The following RASGEF1B variants were observed in gnomAD, a reference collection of about 807,000 sequenced individuals.
The protein encoded by RASGEF1B is RasGEF domain family member 1B, also known as ras-GEF domain-containing family member 1B.
A neutral mutation model predicts 65.7 loss-of-function variants in RASGEF1B; 30 were observed. The ratio of observed to expected loss-of-function variants is 0.46; its 90% CI spans 0.34 to 0.62. The LOEUF (loss-of-function observed/expected upper bound fraction) is 0.62, where lower values mean the gene tolerates loss of function less well. Ranked by LOEUF, RASGEF1B falls within the 20% of genes least tolerant of loss-of-function variation. The pLI is 0.01. For synonymous variants in RASGEF1B, 175 were observed against 194.8 expected, an observed-to-expected ratio of 0.90 and a Z score of 0.85; for missense variants, 495 against 580.1, an observed-to-expected ratio of 0.85 and a Z score of 1.51.
rs1032734294 is a variant in RASGEF1B at position 81,447,640 on chromosome 4, C to T, written c.655-62G>A. ...AAAATGAAAAGAAATGGACTGTCAACTCCCTCTATGACTATTGGCACCACC... is the reference window on the plus strand; with the variant it reads ...AAAATGAAAAGAAATGGACTGTCAATTCCCTCTATGACTATTGGCACCACC... On this transcript the variant is annotated intron_variant, in intron 5 of 13. Transcript: ENST00000264400. The T allele has an allele frequency of 4.0e-6, 5 of 1,239,934 alleles. No individual in the cohort carries two copies. In the African/African-American group the frequency reaches 5.9e-5, roughly 15 times the overall value. The allele number at this position is 1,239,934 out of a possible 1,614,324, so 76.8% of individuals were successfully genotyped here. A position where few individuals can be genotyped will look rare whatever the true frequency, so the allele number is the denominator to read the frequency against.
Position 81,445,620 on chromosome 4 carries a change from C to G in RASGEF1B, c.834G>C (p.Lys278Asn). 1 of 1,613,454 alleles carries G rather than the reference C, an allele frequency of 6.2e-7. No individual in the cohort carries two copies. Among genetic ancestry groups the G allele is most frequent in the East Asian group, 2.2e-5 (1 of 44,862 alleles). Residue 278 changes from lysine (K) to asparagine (N), a missense_variant, in exon 8 of 14, where the codon AAG becomes AAC. Coordinates refer to ENST00000264400, the MANE Select transcript of RASGEF1B (RefSeq NM_152545.3). ...CAATCATTCTTGCTCGGTGTTTTTTCTTAACAGGCTACACAGTAAAAGACA... is the reference window on the plus strand; with the variant it reads ...CAATCATTCTTGCTCGGTGTTTTTTGTTAACAGGCTACACAGTAAAAGACA... Reference protein sequence around the residue: ...LVATEICMPVKKKHRARMIEY... With the variant: ...LVATEICMPVNKKHRARMIEY...
intron 10 of RASGEF1B, among the ~76,000 whole-genome samples, chr4:81,439,135 G>A (rs1433328045): frequency 6.6e-6 from 1 of 152,044 alleles, no homozygotes; most frequent in Non-Finnish European, 1.5e-5. Flanking sequence ...TGGTATTTCT[G>A]GTTCTAGATC....
intron 13 of RASGEF1B, 39 bp downstream of exon 13, chr4:81,432,260 C>T: frequency 7.1e-7 from 1 of 1,402,264 alleles, no homozygotes; most frequent in Non-Finnish European, 1.0e-6. Flanking sequence ...AAGCCAATTT[C>T]CTTCAGACTT....
At chr4:81,459,756 G>A (rs1178169627) in intron 1 of RASGEF1B, among the ~76,000 whole-genome samples, 2 of 152,146 alleles carry the variant, frequency 1.3e-5, no homozygotes, top group Non-Finnish European at 2.9e-5. Flanking sequence ...CTTAGACTGA[G>A]GGGCCCAACC....
chr4:81,465,084 CA>C (rs113774656), intron 1 of RASGEF1B, among the ~76,000 whole-genome samples: 5,246 of 91,626 alleles, frequency 0.057, 253 homozygotes, highest in African/African-American at 0.17. Flanking sequence ...AACTCCATCT[CA>C]AAAAAAAAAA....
intron 4 of RASGEF1B, 41 bp from the exon 5 acceptor site, chr4:81,448,325 C>G: frequency 1.3e-6 from 2 of 1,551,176 alleles, no homozygotes; most frequent in Non-Finnish European, 8.9e-7. Context: ...CTCTGCGTGT[C>G]TGGTTTTGCC....
chr4:81,434,377 T>C (rs917785391), intron 11 of RASGEF1B, among the ~76,000 whole-genome samples: 12 of 152,216 alleles, frequency 7.9e-5, no homozygotes, highest in Non-Finnish European at 2.9e-5. Context: ...CTGAATTAAA[T>C]AGTTTTCTTC....
chr4:81,461,943 A>G (rs1722661819), intron 1 of RASGEF1B, among the ~76,000 whole-genome samples: 1 of 152,190 alleles, frequency 6.6e-6, no homozygotes, highest in Admixed American at 6.5e-5. Flanking sequence ...GTAAGCACCA[A>G]CCCACAAAAC....
At chr4:81,428,779 T>C (rs1219300531) in intron 13 of RASGEF1B, among the ~76,000 whole-genome samples, 1 of 152,198 alleles carries the variant, frequency 6.6e-6, no homozygotes, top group African/African-American at 2.4e-5. Context: ...ACAGAAAGTT[T>C]CATTTTATTA....
In RASGEF1B at chr4:81,434,636, C is replaced by T; in HGVS notation, c.1200+3G>A. ...TTTTTGTATCCTACTTTATCACACT[C>T]ACCTCAAAATTGACATGGCCATTGG... On this transcript the variant is annotated splice_donor_region_variant and intron_variant, in intron 11 of 13. Coordinates refer to ENST00000264400, the MANE Select transcript of RASGEF1B (RefSeq NM_152545.3). 1 of 1,554,600 alleles carries T rather than the reference C, an allele frequency of 6.4e-7. No homozygotes were observed. Among genetic ancestry groups the T allele is most frequent in the Non-Finnish European group, 8.9e-7 (1 of 1,125,792 alleles).
At chr4:81,449,736 A>G (rs1578628323) in intron 4 of RASGEF1B, among the ~76,000 whole-genome samples, 1 of 152,360 alleles carries the variant, frequency 6.6e-6, no homozygotes, top group East Asian at 1.9e-4. Context: ...ACCTACAAGT[A>G]TAAGACCCAT....
chr4:81,468,599 T>C (rs898030341), intron 1 of RASGEF1B, among the ~76,000 whole-genome samples: 6 of 152,186 alleles, frequency 3.9e-5, no homozygotes, highest in Non-Finnish European at 8.8e-5. Flanking sequence ...CACCAATCTT[T>C]TTGATAATCA....
At chr4:81,467,773 G>A (rs1243111148) in intron 1 of RASGEF1B, among the ~76,000 whole-genome samples, 1 of 152,116 alleles carries the variant, frequency 6.6e-6, no homozygotes, top group Admixed American at 6.5e-5. Context: ...ATGCCATTTG[G>A]TCATAATGCC....
chr4:81,449,181 T>C (rs1297293778), intron 4 of RASGEF1B, among the ~76,000 whole-genome samples: 2 of 152,222 alleles, frequency 1.3e-5, no homozygotes, highest in Non-Finnish European at 2.9e-5. Flanking sequence ...ATTTCTGGCA[T>C]CTGACCTCCA....
intron 1 of RASGEF1B, among the ~76,000 whole-genome samples, chr4:81,467,850 T>C (rs1448566810): frequency 6.6e-6 from 1 of 152,106 alleles, no homozygotes; most frequent in African/African-American, 2.4e-5. Flanking sequence ...ATAAAAATGA[T>C]CTTCTGGATA....
chr4:81,442,583 G>T (rs1007502903), intron 8 of RASGEF1B, among the ~76,000 whole-genome samples: 1 of 152,202 alleles, frequency 6.6e-6, no homozygotes, highest in Non-Finnish European at 1.5e-5. Flanking sequence ...CTGTGCAGAG[G>T]TGAATACATT....
At chr4:81,451,623 C>A (rs545053486) in intron 4 of RASGEF1B, 9 of 152,180 alleles carry the variant, frequency 5.9e-5, no homozygotes, top group African/African-American at 2.2e-4. Flanking sequence ...TCTTTTTAAA[C>A]AAAATCTAAG....
chr4:81,457,999 G>A (rs1050900820), intron 2 of RASGEF1B, among the ~76,000 whole-genome samples: 11 of 152,188 alleles, frequency 7.2e-5, no homozygotes, highest in African/African-American at 2.4e-4. Context: ...AAACATGGTT[G>A]TGTGTCCAAA....
chr4:81,457,012 T>A (rs1045118215), intron 3 of RASGEF1B, among the ~76,000 whole-genome samples: 59 of 152,168 alleles, frequency 3.9e-4, no homozygotes, highest in African/African-American at 1.2e-3. Context: ...TTAAAATTTT[T>A]AAATTTTTAA....
Sources: gnomAD v4.1 joint callset for allele counts (sites outside exome capture counted in the v4.1 genomes callset) on GRCh38, gnomAD v4.1.1 for gene constraint, MANE v1.5 for transcripts, NCBI Gene and HGNC (gene_info 2026-07-23, HGNC 2026-07-21) for gene names.